TINAG: variants seen among roughly 807,000 people sequenced by gnomAD.
TINAG encodes the protein tubulointerstitial nephritis antigen.
TINAG carries 83 observed loss-of-function variants against 72.7 expected under a neutral mutation model. That is an observed-to-expected ratio of 1.14 (90% CI 0.96 to 1.37). The LOEUF is 1.37. Ranked by LOEUF, TINAG falls within the 40% of genes most tolerant of loss-of-function variation. TINAG has a pLI of 0.00. For synonymous variants in TINAG, 234 were observed against 189.9 expected (o/e 1.23, Z -1.91); for missense variants, 685 against 576.6 (o/e 1.19, Z -1.93).
At chr6:54,378,175 C>G (rs1763838663) in intron 9 of TINAG, among the ~76,000 whole-genome samples, 1 of 152,088 alleles carries the variant, frequency 6.6e-6, no homozygotes, top group South Asian at 2.1e-4. Context: ...TGTTATTTTT[C>G]CATGTGTGAT....
intron 9 of TINAG, among the ~76,000 whole-genome samples, chr6:54,356,145 A>G (rs1432849831): frequency 6.6e-6 from 1 of 151,890 alleles, no homozygotes; most frequent in Non-Finnish European, 1.5e-5. Flanking sequence ...ATATGGAACA[A>G]GGTGCTTGCC....
intron 9 of TINAG, among the ~76,000 whole-genome samples, chr6:54,356,504 A>G (rs1763045846): frequency 6.6e-6 from 1 of 151,916 alleles, no homozygotes; most frequent in South Asian, 2.1e-4. Context: ...CACTCTGGGC[A>G]ACAGAGTGAG....
chr6:54,310,690 T>C (rs1276423236), intron 1 of TINAG, among the ~76,000 whole-genome samples: 1 of 126,148 alleles, frequency 7.9e-6, no homozygotes, highest in Non-Finnish European at 1.8e-5. Context: ...CTTTCTTTCT[T>C]CTTTTTTCTC....
At chr6:54,313,778 AAAT>A (rs1486182978) in intron 1 of TINAG, among the ~76,000 whole-genome samples, 3 of 152,130 alleles carry the variant, frequency 2.0e-5, no homozygotes, top group Non-Finnish European at 4.4e-5. Context: ...ATATGATTTA[AAAT>A]AATAAAATAT....
At chr6:54,311,059 A>T (rs997349817) in intron 1 of TINAG, among the ~76,000 whole-genome samples, 1 of 150,592 alleles carries the variant, frequency 6.6e-6, no homozygotes, top group African/African-American at 2.5e-5. Flanking sequence ...TCCAATGGTA[A>T]CCTCCTTTTA....
intron 9 of TINAG, among the ~76,000 whole-genome samples, chr6:54,368,877 T>C (rs1033558646): frequency 1.3e-5 from 2 of 151,768 alleles, no homozygotes; most frequent in African/African-American, 4.8e-5. Context: ...ATGCTATATT[T>C]CAGAGATTCT....
At chr6:54,318,838 G>A (rs1784429041) in intron 1 of TINAG, among the ~76,000 whole-genome samples, 1 of 151,942 alleles carries the variant, frequency 6.6e-6, no homozygotes, top group Non-Finnish European at 1.5e-5. Context: ...CCTTGACCGG[G>A]GTCCGAAGTA....
intron 1 of TINAG, among the ~76,000 whole-genome samples, chr6:54,315,934 C>T (rs1345201196): frequency 2.0e-5 from 3 of 152,146 alleles, no homozygotes; most frequent in Non-Finnish European, 4.4e-5. Flanking sequence ...TTCACAGCCT[C>T]CTTAACTATA....
chr6:54,389,989 A>G lies in TINAG; in HGVS notation c.*64A>G. The G allele has an allele frequency of 6.4e-7, 1 of 1,574,446 alleles. No homozygotes were observed. The highest frequency in any genetic ancestry group is 8.6e-7 in the Non-Finnish European group (1 of 1,164,092). On this transcript the variant is annotated 3_prime_UTR_variant, in exon 11 of 11. Coordinates refer to ENST00000259782, the MANE Select transcript of TINAG (RefSeq NM_014464.4). The stretch of plus-strand genomic sequence containing the variant: ...ACCCCCTAAATTGAAGTTTAGCAAT[A>G]TGACATTCTTGGTGACAGTGGAATC...
At chr6:54,316,188 T>C (rs562268817) in intron 1 of TINAG, among the ~76,000 whole-genome samples, 1 of 152,268 alleles carries the variant, frequency 6.6e-6, no homozygotes, top group Admixed American at 6.5e-5. Context: ...TCCTTTCTAC[T>C]TGGCTGGACA....
chr6:54,349,634 T>C, intron 6 of TINAG, 82 bp from the exon 7 acceptor site: 1 of 1,254,098 alleles, frequency 8.0e-7, no homozygotes, highest in Non-Finnish European at 1.1e-6. Flanking sequence ...TATGAATGTT[T>C]AATTCAGTAA....
At chr6:54,328,533 T>C (rs1784661635) in intron 4 of TINAG, among the ~76,000 whole-genome samples, 1 of 152,046 alleles carries the variant, frequency 6.6e-6, no homozygotes, top group Admixed American at 6.6e-5. Context: ...CAAAAAAAGC[T>C]GAAAATTCCA....
At chr6:54,310,523 T>C (rs532409157) in intron 1 of TINAG, among the ~76,000 whole-genome samples, 24 of 150,852 alleles carry the variant, frequency 1.6e-4, no homozygotes, top group South Asian at 8.5e-4. Context: ...TTTCTTTTCT[T>C]TCTTTCTCTC....
chr6:54,379,309 C>G (rs1224369951), intron 9 of TINAG, among the ~76,000 whole-genome samples: 1 of 152,118 alleles, frequency 6.6e-6, no homozygotes, highest in Non-Finnish European at 1.5e-5. Flanking sequence ...CTCAACACTT[C>G]CCAGTGTATG....
chr6:54,313,949 T>C lies in TINAG; in HGVS notation c.355+5044T>C, dbSNP rs113577489. Among the ~76,000 whole-genome samples, 17 of 152,250 alleles carry C rather than the reference T, an allele frequency of 1.1e-4. 2 individuals carry two copies. Among genetic ancestry groups the C allele is most frequent in the African/African-American group, 3.6e-4 (15 of 41,562 alleles). On this transcript the variant is annotated intron_variant, in intron 1 of 10. Coordinates refer to ENST00000259782, the MANE Select transcript of TINAG (RefSeq NM_014464.4). ...GTATTTAAAACTTTTTATATATCCA[T>C]GATTGTGGTAAGCATTGAGGGTCAT...
At chr6:54,353,269 T>C (rs1204265869) in intron 8 of TINAG, among the ~76,000 whole-genome samples, 2 of 151,840 alleles carry the variant, frequency 1.3e-5, no homozygotes, top group African/African-American at 4.8e-5. Context: ...AAAGAGTCAA[T>C]GGTTCTACAG....
intron 10 of TINAG, 83 bp downstream of exon 10, chr6:54,380,654 A>G (rs2150982554): frequency 9.1e-7 from 1 of 1,093,896 alleles, no homozygotes; most frequent in South Asian, 1.3e-5. Flanking sequence ...GCTTTGTATT[A>G]TTTAGTCACA....
intron 1 of TINAG, among the ~76,000 whole-genome samples, chr6:54,313,142 C>T (rs1363259609): frequency 1.3e-5 from 2 of 152,088 alleles, no homozygotes; most frequent in East Asian, 1.9e-4. Context: ...AGAAAATACA[C>T]GTTTAAAATT....
At chr6:54,336,229 T>C (rs1784862314) in intron 4 of TINAG, among the ~76,000 whole-genome samples, 1 of 152,130 alleles carries the variant, frequency 6.6e-6, no homozygotes, top group African/African-American at 2.4e-5. Flanking sequence ...AGTACTTAGA[T>C]TATAGTAAAG....
Sources: gnomAD v4.1 joint callset for allele counts (sites outside exome capture counted in the v4.1 genomes callset) on GRCh38, gnomAD v4.1.1 for gene constraint, MANE v1.5 for transcripts, NCBI Gene and HGNC (gene_info 2026-07-23, HGNC 2026-07-21) for gene names.